PMF1: variants seen among roughly 807,000 people sequenced by gnomAD.
PMF1 encodes polyamine modulated factor 1.
A neutral mutation model predicts 26.7 loss-of-function variants in PMF1; 21 were observed. That is an observed-to-expected ratio of 0.79 (90% CI 0.56 to 1.13). PMF1 has a LOEUF of 1.13. PMF1 is among the 50% of genes most tolerant of loss of function. The pLI, the probability that PMF1 is intolerant of heterozygous loss-of-function variation, is 0.00. For synonymous variants in PMF1, 105 were observed against 101.0 expected (o/e 1.04, Z -0.24); for missense variants, 266 against 254.9 (o/e 1.04, Z -0.30).
chr1:156,213,683 C>T (rs1657523845), intron 1 of PMF1, among the ~76,000 whole-genome samples: 1 of 152,094 alleles, frequency 6.6e-6, no homozygotes, highest in Non-Finnish European at 1.5e-5. Flanking sequence ...ACGTAAGCCC[C>T]CTCTCCCTCG....
At chr1:156,224,775 G>T (rs1451167952) in intron 1 of PMF1, among the ~76,000 whole-genome samples, 2 of 151,338 alleles carry the variant, frequency 1.3e-5, no homozygotes, top group Admixed American at 6.6e-5. Flanking sequence ...AAAAAAAAAA[G>T]AAAATAAAAA....
rs149817565 is a variant in PMF1 at position 156,233,656 on chromosome 1, G to A, written c.296G>A (p.Gly99Glu). ...GAAATCTCTGACATCAAAGAGGAGG[G>A]GAACCTAGAAGCTGTCTTGAATGCC... ...REEISDIKEE[G>E]NLEAVLNALD... Residue 99 changes from glycine (G) to glutamate (E), a missense_variant, in exon 3 of 5, where the codon GGG (glycine) becomes GAG (glutamate). Transcript: ENST00000368277. The A allele has an allele frequency of 3.7e-6, 6 of 1,613,938 alleles. No homozygotes were observed. In the African/African-American group the frequency reaches 8.0e-5, roughly 22 times the overall value.
chr1:156,230,591 G>A (rs1258492689), intron 1 of PMF1, among the ~76,000 whole-genome samples: 1 of 152,150 alleles, frequency 6.6e-6, no homozygotes, highest in Non-Finnish European at 1.5e-5. Context: ...CACAGGCAAG[G>A]GAGAGGGAGG....
chr1:156,214,150 G>C (rs1418025503), intron 1 of PMF1, among the ~76,000 whole-genome samples: 1 of 152,036 alleles, frequency 6.6e-6, no homozygotes, highest in Admixed American at 6.6e-5. Flanking sequence ...TCCTGACCTC[G>C]TGATCCACCC....
chr1:156,236,613 CAGT>C, intron 4 of PMF1, 130 bp downstream of exon 4: 1 of 1,244,636 alleles, frequency 8.0e-7, no homozygotes, highest in African/African-American at 1.5e-5. Flanking sequence ...CCCTGGGGAA[CAGT>C]CATGAATTAC....
chr1:156,239,644 A>C lies in PMF1; in HGVS notation c.*43A>C. 6.4e-7 allele frequency: 1 copy of C among 1,562,162 alleles called. No individual in the cohort carries two copies. The highest frequency in any genetic ancestry group is 1.1e-5 in the South Asian group (1 of 89,730). On this transcript the variant is annotated 3_prime_UTR_variant, in exon 5 of 5. Coordinates refer to ENST00000368277, the MANE Select transcript of PMF1 (RefSeq NM_007221.4). ...GAAGCAGAGGGCAGTCAAGGTCAAG[A>C]GCCTGTGGTCCAGCATGCCTGGCCT...
rs776537237 is a variant in PMF1, at chr1:156,213,100, G to T, written c.85G>T (p.Gly29Cys). The T allele has an allele frequency of 6.2e-7, 1 of 1,614,122 alleles. No homozygotes were observed. The change falls in exon 1 of 5, where the codon GGC becomes TGC. Residue 29 changes from glycine (G) to cysteine (C), a missense_variant. By Grantham distance (159) the Gly-to-Cys change is radical. Transcript: ENST00000368277. ...GTCGTCTTCGGAATCTGTGCCACCC[G>T]GCACTACCATTTCGAGGGTGAAGCT... ...EGSSSESVPPGTTISRVKLLD... is the reference protein window; with the variant it reads ...EGSSSESVPPCTTISRVKLLD...
chr1:156,229,864 C>T (rs968168255), intron 1 of PMF1, among the ~76,000 whole-genome samples: 8 of 152,152 alleles, frequency 5.3e-5, no homozygotes, highest in Non-Finnish European at 8.8e-5. Flanking sequence ...TGAGCCACTG[C>T]GCCCAGGACC....
At chr1:156,229,913 T>G (rs1376721356) in intron 1 of PMF1, among the ~76,000 whole-genome samples, 1 of 152,168 alleles carries the variant, frequency 6.6e-6, no homozygotes, top group Non-Finnish European at 1.5e-5. Flanking sequence ...TTTATGTAAT[T>G]TAATTCTTAA....
At position 156,235,433 on chromosome 1, in the gene PMF1, TA is replaced by T. The variant is rs1218366775; in HGVS notation, c.369-853del. Among the ~76,000 whole-genome samples the T allele has an allele frequency of 3.7e-5, 4 of 109,002 alleles. 1 individual carries two copies. The highest frequency in any genetic ancestry group is 5.7e-5 in the Non-Finnish European group (3 of 52,562). The allele number at this position is 109,002 out of a possible 152,430, so 71.5% of individuals were successfully genotyped here. On this transcript the variant is annotated intron_variant, in intron 3 of 4. Coordinates refer to ENST00000368277, the MANE Select transcript of PMF1 (RefSeq NM_007221.4). Reference sequence around the variant, plus strand: ...GCCACCGCGCTCAGCCATTGAAAAATAATTTTTTTTTTTTTTTTTTTTTTTT... The same window carrying T: ...GCCACCGCGCTCAGCCATTGAAAAATATTTTTTTTTTTTTTTTTTTTTTTT...
chr1:156,230,479 C>G (rs1233067514), intron 1 of PMF1, among the ~76,000 whole-genome samples: 3 of 152,182 alleles, frequency 2.0e-5, no homozygotes, highest in Non-Finnish European at 2.9e-5. Context: ...CCGTGTCAGT[C>G]TTATCCACCT....
In PMF1 at chr1:156,236,325, G is replaced by A. The variant is rs1558197641; in HGVS notation, c.406G>A (p.Val136Ile). The A allele has an allele frequency of 1.2e-6, 2 of 1,614,240 alleles. No individual in the cohort carries two copies. Among genetic ancestry groups the A allele is most frequent in the Non-Finnish European group, 1.7e-6 (2 of 1,180,042 alleles). The stretch of plus-strand genomic sequence containing the variant: ...GATCCCAGAGAAGGATCTGCACAGT[G>A]TTATGGCACCCTACTTCCTGCAGCA... ...SGIPEKDLHS[V>I]MAPYFLQQRD... Residue 136 changes from valine (V) to isoleucine (I), a missense_variant, in exon 4 of 5, where the codon GTT (valine) becomes ATT (isoleucine). Val to Ile is a conservative substitution (Grantham distance 29, BLOSUM62 3). Coordinates refer to ENST00000368277, the MANE Select transcript of PMF1 (RefSeq NM_007221.4).
chr1:156,220,154 C>T (rs963900628), intron 1 of PMF1, among the ~76,000 whole-genome samples: 1 of 151,800 alleles, frequency 6.6e-6, no homozygotes, highest in South Asian at 2.1e-4. Context: ...TTAGCAGAGA[C>T]GGGGTTTCAC....
At chr1:156,232,267 T>C in intron 1 of PMF1, 53 bp from the exon 2 acceptor site, 1 of 1,543,766 alleles carries the variant, frequency 6.5e-7, no homozygotes, top group African/African-American at 1.4e-5. Flanking sequence ...GGCAGGCTGA[T>C]GGCCGGCCTC....
At chr1:156,230,413 A>G (rs773212754) in intron 1 of PMF1, among the ~76,000 whole-genome samples, 1 of 152,180 alleles carries the variant, frequency 6.6e-6, no homozygotes, top group Non-Finnish European at 1.5e-5. Context: ...TATCACTTGC[A>G]TGTGAGTTTC....
intron 1 of PMF1, among the ~76,000 whole-genome samples, chr1:156,218,925 AATT>A (rs1240965003): frequency 7.6e-6 from 1 of 131,916 alleles, no homozygotes; most frequent in East Asian, 2.1e-4. Flanking sequence ...ATTTTTTTTT[AATT>A]ATTATTTTTT....
In PMF1 at chr1:156,236,348, G is replaced by A; in HGVS notation, c.429G>A (p.Gln143=). The change falls in exon 4 of 5, where the codon CAG becomes CAA. Residue 143 remains glutamine (Q), a synonymous_variant. Coordinates refer to ENST00000368277, the MANE Select transcript of PMF1 (RefSeq NM_007221.4). ...GTGTTATGGCACCCTACTTCCTGCA[G>A]CAACGGGACACCCTGCGGCGCCATG... The part of the protein sequence containing the change: ...LHSVMAPYFL[Q]QRDTLRRHVQ... The A allele has an allele frequency of 6.2e-7, 1 of 1,614,222 alleles. No homozygotes were observed. Among genetic ancestry groups the A allele is most frequent in the Non-Finnish European group, 8.5e-7 (1 of 1,180,032 alleles).
intron 1 of PMF1, among the ~76,000 whole-genome samples, chr1:156,219,370 G>A (rs950739432): frequency 2.0e-5 from 3 of 152,088 alleles, no homozygotes; most frequent in Non-Finnish European, 2.9e-5. Context: ...TCTCAAGCCA[G>A]GCTTATTTTT....
chr1:156,215,442 G>C (rs946681378), intron 1 of PMF1, among the ~76,000 whole-genome samples: 9 of 152,096 alleles, frequency 5.9e-5, no homozygotes, highest in Admixed American at 1.3e-4. Flanking sequence ...ATATGTCCTG[G>C]CACGGTCCCT....
Sources: gnomAD v4.1 joint callset for allele counts (sites outside exome capture counted in the v4.1 genomes callset) on GRCh38, gnomAD v4.1.1 for gene constraint, MANE v1.5 for transcripts, NCBI Gene and HGNC (gene_info 2026-07-23, HGNC 2026-07-21) for gene names.